The following MYO1C variants were observed in gnomAD, a reference collection of about 807,000 sequenced individuals.
The protein encoded by MYO1C is myosin IC.
MYO1C carries 104 observed loss-of-function variants against 150.8 expected under a neutral mutation model. That is an observed-to-expected ratio of 0.69 (90% CI 0.59 to 0.81). MYO1C has a LOEUF of 0.81. Ranked by LOEUF, MYO1C falls within the 30% of genes least tolerant of loss-of-function variation. The probability of loss-of-function intolerance (pLI) is 0.00; values close to 1 mark genes in which losing one functional copy is unlikely to be tolerated. For synonymous variants in MYO1C, 663 were observed against 579.9 expected, an observed-to-expected ratio of 1.14 and a Z score of -2.06; for missense variants, 1,504 against 1,435.0, an observed-to-expected ratio of 1.05 and a Z score of -0.78.
At chr17:1,490,941 G>C (rs2074722712) in intron 1 of MYO1C, 1 of 152,224 alleles carries the variant, frequency 6.6e-6, no homozygotes, top group Non-Finnish European at 1.5e-5. Context: ...ACTGAGACTC[G>C]GCTCAGGTGT....
intron 25 of MYO1C, chr17:1,468,770 G>A (rs2074235539): frequency 3.7e-6 from 2 of 536,470 alleles, no homozygotes; most frequent in African/African-American, 1.9e-5. Flanking sequence ...ATCAGGCCCT[G>A]GTGGCCCTGA....
chr17:1,480,701 C>T lies in MYO1C; in HGVS notation c.807+5G>A, dbSNP rs766798823. 7.4e-6 allele frequency: 12 copies of T among 1,614,046 alleles called. No homozygotes were observed. Among genetic ancestry groups the T allele is most frequent in the Non-Finnish European group, 1.0e-5 (12 of 1,180,028 alleles). On this transcript the variant is annotated splice_donor_5th_base_variant and intron_variant, in intron 6 of 31. Transcript: ENST00000648651. ...TGGCACCTGCCCTCCCTGCCAGCCA[C>T]TCACCTTCACCAGGTACAGGTAGCT...
chr17:1,479,410 A>G lies in MYO1C; in HGVS notation c.1092+21T>C, dbSNP rs1468819066. The G allele has an allele frequency of 8.5e-7, 1 of 1,177,802 alleles. No individual in the cohort carries two copies. The allele number at this position is 1,177,802 out of a possible 1,614,324, so 73.0% of individuals were successfully genotyped here. A position where few individuals can be genotyped will look rare whatever the true frequency, so the allele number is the denominator to read the frequency against. On this transcript the variant is annotated intron_variant, in intron 9 of 31. Transcript: ENST00000648651. This position sits in a 1 kb window ranked among gnomAD's most constrained non-coding sequence, Gnocchi z 4.2. ...TGGAACAGCTGCCCCTCCACACCCG[A>G]GGGCAAGGGCCCGGCCTCACCTCCT...
At position 1,474,673 on chromosome 17, in the gene MYO1C, C is replaced by A. The variant is rs2074367194; in HGVS notation, c.1734G>T (p.Lys578Asn). ...CAAAGCACTGGCTCATAATGGGATT[C>A]TTTGAGCTACACATGGTCTGTGTGG... ...RNLKETMCSS[K>N]NPIMSQCFDR... Residue 578 changes from lysine (K) to asparagine (N), a missense_variant, in exon 17 of 32, where the codon AAG (lysine) becomes AAT (asparagine). By Grantham distance (94) the Lys-to-Asn change is moderately conservative (BLOSUM62 0). Transcript: ENST00000648651. 1 of 1,614,034 alleles carries A rather than the reference C, an allele frequency of 6.2e-7. No individual in the cohort carries two copies. The highest frequency in any genetic ancestry group is 8.5e-7 in the Non-Finnish European group (1 of 1,179,938).
chr17:1,471,119 T>C lies in MYO1C; in HGVS notation c.2164A>G (p.Thr722Ala). ...AGGGCATCCTCTGTGGCAAACAGGGTCTTGGGGAAGCGGATGAAGATCTTG... is the reference window on the plus strand; with the variant it reads ...AGGGCATCCTCTGTGGCAAACAGGGCCTTGGGGAAGCGGATGAAGATCTTG... The part of the protein sequence containing the change: ...RTKIFIRFPK[T>A]LFATEDALEV... The change falls in exon 21 of 32, where the codon ACC (threonine) becomes GCC (alanine). Residue 722 changes from threonine to alanine, a missense_variant. Coordinates refer to ENST00000648651, the MANE Select transcript of MYO1C (RefSeq NM_001080779.2). The C allele has an allele frequency of 1.2e-6, 2 of 1,614,042 alleles. No individual in the cohort carries two copies. The highest frequency in any genetic ancestry group is 2.2e-5 in the South Asian group (2 of 91,074).
intron 14 of MYO1C, among the ~76,000 whole-genome samples, chr17:1,476,778 A>C (rs765775084): frequency 3.9e-5 from 6 of 152,038 alleles, no homozygotes; most frequent in Admixed American, 6.6e-5. Flanking sequence ...AAGATGAAAA[A>C]TCTTAGCAAG....
Position 1,467,609 on chromosome 17 carries a change from C to T in MYO1C, c.2968-32G>A. 1.9e-6 allele frequency: 3 copies of T among 1,605,672 alleles called. No homozygotes were observed. In the East Asian group the frequency reaches 6.7e-5, roughly 36 times the overall value. ...GGCCAGGCAGGAGGAGGGGTCAGGC[C>T]CTGCCCAGAACTTGAGGAACCCCCG... On this transcript the variant is annotated intron_variant, in intron 29 of 31. Coordinates refer to ENST00000648651, the MANE Select transcript of MYO1C (RefSeq NM_001080779.2).
At chr17:1,483,162 T>C in intron 3 of MYO1C, 103 bp from the exon 4 acceptor site, 8 of 1,189,236 alleles carry the variant, frequency 6.7e-6, no homozygotes, top group Non-Finnish European at 9.4e-6. Context: ...GGGAGTCGAA[T>C]ACACCCTTGA....
chr17:1,468,074 G>A lies in MYO1C; in HGVS notation c.2810C>T (p.Ser937Phe). The A allele has an allele frequency of 1.2e-6, 2 of 1,613,520 alleles. No individual in the cohort carries two copies. The highest frequency in any genetic ancestry group is 1.7e-6 in the Non-Finnish European group (2 of 1,179,966). Reference sequence around the variant, plus strand: ...GTTGGGCGTGAGCAGCAGCTGCCGGGAGCGAGGCTTGTAGCCCTTGCGGTC... The same window carrying A: ...GTTGGGCGTGAGCAGCAGCTGCCGGAAGCGAGGCTTGTAGCCCTTGCGGTC... ...KYDRKGYKPRSRQLLLTPNAV... is the reference protein window; with the variant it reads ...KYDRKGYKPRFRQLLLTPNAV... The change falls in exon 28 of 32, where the codon TCC (serine) becomes TTC (phenylalanine). Residue 937 changes from serine (S) to phenylalanine (F), a missense_variant. Coordinates refer to ENST00000648651, the MANE Select transcript of MYO1C (RefSeq NM_001080779.2).
Position 1,477,936 on chromosome 17 carries a change from G to A in MYO1C, c.1437C>T (p.Ile479=), listed in dbSNP as rs1397003612. 6.2e-7 allele frequency: 1 copy of A among 1,614,088 alleles called. No individual in the cohort carries two copies. The highest frequency in any genetic ancestry group is 1.3e-5 in the African/African-American group (1 of 74,936). The part of the protein sequence containing the change: ...EPVQYFNNKI[I]CDLVEEKFKG... ...TAAACTTCTCCTCCACCAGATCACA[G>A]ATGATTTTGTTGTTGAAATACTGGA... The change falls in exon 13 of 32, where the codon ATC becomes ATT. Residue 479 remains isoleucine (I), a synonymous_variant. Transcript: ENST00000648651.
At chr17:1,492,173 A>T (rs1190397042) in intron 1 of MYO1C, 1 of 561,556 alleles carries the variant, frequency 1.8e-6, no homozygotes, top group African/African-American at 1.9e-5. Context: ...CTGCCCACTG[A>T]GGTTCGGGAA....
chr17:1,482,338 C>T, intron 5 of MYO1C, 140 bp downstream of exon 5: 5 of 793,098 alleles, frequency 6.3e-6, no homozygotes, highest in South Asian at 2.9e-5. Context: ...TTGTTTATCA[C>T]CCTGGAAGGC....
chr17:1,474,998 G>C lies in MYO1C; in HGVS notation c.1609C>G (p.Leu537Val), dbSNP rs1469955458. The C allele has an allele frequency of 1.9e-6, 3 of 1,554,962 alleles. No individual in the cohort carries two copies. The highest frequency in any genetic ancestry group is 2.7e-5 in the African/African-American group (2 of 73,180). ...AGAAGGCGGAATTCCCCTCGGCCCA[G>C]AGATTTCCTGGTCCGCTGGTCAGCC... ...KLADQRTRKS[L>V]GRGEFRLLHY... Residue 537 changes from leucine to valine, a missense_variant, in exon 15 of 32, where the codon CTG becomes GTG. Leu to Val is a conservative substitution (Grantham distance 32, BLOSUM62 1). Coordinates refer to ENST00000648651, the MANE Select transcript of MYO1C (RefSeq NM_001080779.2).
chr17:1,492,664 C>G lies in MYO1C; in HGVS notation c.-177G>C. The G allele has an allele frequency of 1.5e-6, 1 of 664,326 alleles. No individual in the cohort carries two copies. The highest frequency in any genetic ancestry group is 2.7e-6 in the Non-Finnish European group (1 of 370,782). 41.2% of individuals were successfully genotyped at this position (664,326 alleles called of 1,614,324 possible). ...ATGTGGCTGGTCCAGCTCCTCAGGA[C>G]ACGGCTGGAGCCGTCCAGGTCTGAC... On this transcript the variant is annotated 5_prime_UTR_variant, in exon 1 of 32. Coordinates refer to ENST00000648651, the MANE Select transcript of MYO1C (RefSeq NM_001080779.2).
At chr17:1,483,103 C>G (rs750427559) in intron 3 of MYO1C, 44 bp from the exon 4 acceptor site, 20 of 1,537,384 alleles carry the variant, frequency 1.3e-5, no homozygotes, top group Non-Finnish European at 1.7e-5. Flanking sequence ...GGGGGCCAAG[C>G]AGAGCCCCAC....
intron 1 of MYO1C, 47 bp downstream of exon 1, chr17:1,492,366 G>A: frequency 1.3e-6 from 2 of 1,549,160 alleles, no homozygotes; most frequent in East Asian, 2.4e-5. Context: ...GCCCGGCCTT[G>A]GGGAGACGCT....
chr17:1,485,588 C>G, intron 1 of MYO1C: 2 of 907,156 alleles, frequency 2.2e-6, no homozygotes, highest in Non-Finnish European at 2.8e-6. Context: ...TTTTTCCACC[C>G]GGAATTCCTG....
In MYO1C at chr17:1,478,761, G is replaced by A; in HGVS notation, c.1093-26C>T. 6.2e-7 allele frequency: 1 copy of A among 1,612,542 alleles called. No homozygotes were observed. The highest frequency in any genetic ancestry group is 1.1e-5 in the South Asian group (1 of 91,020). On this transcript the variant is annotated intron_variant, in intron 9 of 31. Transcript: ENST00000648651. The surrounding 1 kb of genome is among the most constrained non-coding windows in gnomAD (Gnocchi z 6.3). ...CTGTGGACGCAGCGTGAGACAAGGA[G>A]ATGAATGCCACAGAGCCTGTGCATC...
At chr17:1,484,469 G>A in intron 1 of MYO1C, 166 bp from the exon 2 acceptor site, 1 of 718,232 alleles carries the variant, frequency 1.4e-6, no homozygotes, top group Non-Finnish European at 2.3e-6. Context: ...GAGGGCCTGG[G>A]TGTGGTGGGC....
Sources: gnomAD v4.1 joint callset for allele counts (sites outside exome capture counted in the v4.1 genomes callset) on GRCh38, gnomAD v4.1.1 for gene constraint, Gnocchi (gnomAD v3.1) non-coding constraint, MANE v1.5 for transcripts, NCBI Gene and HGNC (gene_info 2026-07-23, HGNC 2026-07-21) for gene names.